The following KDM4C variants were observed in gnomAD, a reference collection of about 807,000 sequenced individuals.
KDM4C encodes lysine-specific demethylase 4C.
A neutral mutation model predicts 129.3 loss-of-function variants in KDM4C; 81 were observed. That is an observed-to-expected ratio of 0.63 (90% CI 0.52 to 0.75). KDM4C has a LOEUF of 0.75. KDM4C is among the 30% of genes least tolerant of loss of function. The pLI is 0.00. For missense variants in KDM4C, 1,457 were observed against 1,304.0 expected, an observed-to-expected ratio of 1.12 and a Z score of -1.81; for synonymous variants, 573 against 456.1, an observed-to-expected ratio of 1.26 and a Z score of -3.26.
intron 7 of KDM4C, among the ~76,000 whole-genome samples, chr9:6,890,000 G>C (rs1418883548): frequency 3.9e-5 from 6 of 152,068 alleles, no homozygotes; most frequent in African/African-American, 1.5e-4. Context: ...AAAGTGGCGA[G>C]ATGAATTTAA....
At position 6,931,285 on chromosome 9, in the gene KDM4C, T is replaced by C. The variant is rs10975910; in HGVS notation, c.921+38053T>C. Among the ~76,000 whole-genome samples the C allele has an allele frequency of 2.5e-3, 384 of 152,266 alleles. 3 individuals are homozygous for C. In the East Asian group the frequency reaches 0.026, roughly 10 times the overall value. On this transcript the variant is annotated intron_variant, in intron 8 of 21. Coordinates refer to ENST00000381309, the MANE Select transcript of KDM4C (RefSeq NM_015061.6). The stretch of plus-strand genomic sequence containing the variant: ...GAGTGTATACTGAACAATATAATTT[T>C]AGTAATAAATAAATTGGTTAACAGT...
chr9:7,047,829 C>G (rs911390787), intron 16 of KDM4C, among the ~76,000 whole-genome samples: 5 of 152,078 alleles, frequency 3.3e-5, no homozygotes, highest in Non-Finnish European at 5.9e-5. Flanking sequence ...GCAGGTACTC[C>G]TCAGTTCACC....
At chr9:6,976,155 A>T (rs1428580023) in intron 8 of KDM4C, among the ~76,000 whole-genome samples, 2 of 152,310 alleles carry the variant, frequency 1.3e-5, no homozygotes, top group African/African-American at 4.8e-5. Context: ...CTGAGGAGTT[A>T]GAATAAAATT....
At chr9:6,723,116 G>A (rs947525785) in intron 1 of KDM4C, among the ~76,000 whole-genome samples, 1 of 152,142 alleles carries the variant, frequency 6.6e-6, no homozygotes, top group Non-Finnish European at 1.5e-5. Flanking sequence ...ATGCTTGGCT[G>A]GGCGCCATAC....
chr9:6,841,927 G>C (rs923492501), intron 4 of KDM4C, among the ~76,000 whole-genome samples: 4 of 152,156 alleles, frequency 2.6e-5, no homozygotes, highest in African/African-American at 9.7e-5. Context: ...TCCTGGAGCT[G>C]GTTATCAGTT....
chr9:6,891,650 T>A (rs111415932), intron 7 of KDM4C, among the ~76,000 whole-genome samples: 16,941 of 152,140 alleles, frequency 0.11, 1,446 homozygotes, highest in East Asian at 0.27. Flanking sequence ...TGAGTGAATT[T>A]TATGGTATGT....
At chr9:6,785,542 T>A (rs1825305631) in intron 1 of KDM4C, among the ~76,000 whole-genome samples, 1 of 152,116 alleles carries the variant, frequency 6.6e-6, no homozygotes, top group African/African-American at 2.4e-5. Flanking sequence ...TTTTGCCGTA[T>A]TGGCCAGGCT....
At chr9:7,159,165 T>G (rs951836784) in intron 19 of KDM4C, among the ~76,000 whole-genome samples, 4 of 152,230 alleles carry the variant, frequency 2.6e-5, no homozygotes, top group Non-Finnish European at 5.9e-5. Context: ...CCCTGCTTTT[T>G]TTGCTTTCCA....
At chr9:6,867,650 T>A (rs531775548) in intron 5 of KDM4C, among the ~76,000 whole-genome samples, 1 of 152,348 alleles carries the variant, frequency 6.6e-6, no homozygotes, top group Non-Finnish European at 1.5e-5. Context: ...AAACATTGCA[T>A]CTATGTTTGG....
intron 12 of KDM4C, among the ~76,000 whole-genome samples, chr9:7,001,566 T>G (rs989643302): frequency 5.9e-5 from 9 of 152,228 alleles, no homozygotes; most frequent in Non-Finnish European, 1.0e-4. Flanking sequence ...CTCCCCTGAA[T>G]AGTCCATGTC....
chr9:6,748,640 G>A, intron 1 of KDM4C: 1 of 876,456 alleles, frequency 1.1e-6, no homozygotes. Context: ...GTTCATATTG[G>A]ACAAAGGACG....
intron 1 of KDM4C, among the ~76,000 whole-genome samples, chr9:6,792,351 T>A (rs985044877): frequency 7.9e-5 from 8 of 101,342 alleles, no homozygotes; most frequent in African/African-American, 2.0e-4. Flanking sequence ...AAAAAAAAAA[T>A]TTTTATTTAT....
chr9:6,936,567 C>G (rs1824831845), intron 8 of KDM4C, among the ~76,000 whole-genome samples: 1 of 152,162 alleles, frequency 6.6e-6, no homozygotes, highest in Admixed American at 6.5e-5. Flanking sequence ...AGAAATCACT[C>G]AGCCCATTTT....
chr9:7,068,667 C>G lies in KDM4C; in HGVS notation c.2424+19467C>G, dbSNP rs193195238. Among the ~76,000 whole-genome samples the G allele has an allele frequency of 5.8e-3, 789 of 135,844 alleles. 26 individuals carry two copies. The highest frequency in any genetic ancestry group is 0.042 in the Admixed American group (563 of 13,456). The allele number at this position is 135,844 out of a possible 152,430, so 89.1% of individuals were successfully genotyped here. On this transcript the variant is annotated intron_variant, in intron 17 of 21. Transcript: ENST00000381309. Reference sequence around the variant, plus strand: ...CTCCTTTTCTTCTGTCTATTTCATACATGTTTATGATGCCCTTTCTTTTTT... The same window carrying G: ...CTCCTTTTCTTCTGTCTATTTCATAGATGTTTATGATGCCCTTTCTTTTTT...
At chr9:7,107,830 C>T (rs1408585276) in intron 18 of KDM4C, among the ~76,000 whole-genome samples, 1 of 150,474 alleles carries the variant, frequency 6.6e-6, no homozygotes, top group East Asian at 2.0e-4. Flanking sequence ...GTAGCTAGGT[C>T]ATAAGGACAG....
At chr9:7,022,031 AT>A (rs1386434925) in intron 15 of KDM4C, among the ~76,000 whole-genome samples, 1 of 152,136 alleles carries the variant, frequency 6.6e-6, no homozygotes, top group Non-Finnish European at 1.5e-5. Context: ...TTTTTATGCC[AT>A]TACCATGTCA....
intron 19 of KDM4C, among the ~76,000 whole-genome samples, chr9:7,132,971 A>T (rs1352063139): frequency 6.6e-6 from 1 of 152,200 alleles, no homozygotes; most frequent in African/African-American, 2.4e-5. Context: ...AATGTGAAAG[A>T]AGCATGAAAA....
intron 17 of KDM4C, among the ~76,000 whole-genome samples, chr9:7,076,184 A>G (rs1192766207): frequency 6.6e-6 from 1 of 152,164 alleles, no homozygotes; most frequent in East Asian, 1.9e-4. Flanking sequence ...GAACAACAGA[A>G]GAAAAAAAAA....
chr9:6,835,914 G>A (rs1350991070), intron 4 of KDM4C, among the ~76,000 whole-genome samples: 2 of 152,096 alleles, frequency 1.3e-5, no homozygotes, highest in African/African-American at 2.4e-5. Flanking sequence ...TAAGGAGAAT[G>A]GCCTAGTCCT....
Sources: gnomAD v4.1 joint callset for allele counts (sites outside exome capture counted in the v4.1 genomes callset) on GRCh38, gnomAD v4.1.1 for gene constraint, MANE v1.5 for transcripts, NCBI Gene and HGNC (gene_info 2026-07-23, HGNC 2026-07-21) for gene names.